Variants in ARHGAP24 observed in about 807,000 individuals in gnomAD.
ARHGAP24 encodes the protein rho GTPase-activating protein 24.
A neutral mutation model predicts 76.4 loss-of-function variants in ARHGAP24; 50 were observed. The observed-to-expected ratio is 0.65, with a 90% CI of 0.52 to 0.83. The LOEUF (loss-of-function observed/expected upper bound fraction) is 0.83. ARHGAP24 is among the 40% of genes least tolerant of loss of function. The probability of loss-of-function intolerance (pLI) is 0.00; values close to 1 mark genes in which losing one functional copy is unlikely to be tolerated. For missense variants in ARHGAP24, 930 were observed against 914.2 expected (o/e 1.02, Z -0.22); for synonymous variants, 345 against 323.3 (o/e 1.07, Z -0.72).
chr4:85,721,975 A>G lies in ARHGAP24; in HGVS notation c.268+3A>G. 1 of 1,611,526 alleles carries G rather than the reference A, an allele frequency of 6.2e-7. No homozygotes were observed. The highest frequency in any genetic ancestry group is 1.1e-5 in the South Asian group (1 of 91,038). ...GTTCCTTTTTGAAGTAGTTCCAGGTAAGATATTTTCCTAGTCTGATTAAAT... is the reference window on the plus strand; with the variant it reads ...GTTCCTTTTTGAAGTAGTTCCAGGTGAGATATTTTCCTAGTCTGATTAAAT... On this transcript the variant is annotated splice_donor_region_variant and intron_variant, in intron 3 of 9. Coordinates refer to ENST00000395184, the MANE Select transcript of ARHGAP24 (RefSeq NM_001025616.3).
At chr4:85,540,298 A>G (rs1410339114) in intron 1 of ARHGAP24, among the ~76,000 whole-genome samples, 2 of 152,154 alleles carry the variant, frequency 1.3e-5, no homozygotes, top group Admixed American at 6.5e-5. Context: ...TTTCAAATCA[A>G]TATTCAATAA....
At chr4:85,778,976 TA>T (rs1269393548) in intron 3 of ARHGAP24, 31 of 985,352 alleles carry the variant, frequency 3.1e-5, no homozygotes, top group Non-Finnish European at 3.4e-5. Context: ...GTACTGTTTT[TA>T]CTCATTTAAA....
At chr4:85,838,824 C>T (rs1730435231) in intron 3 of ARHGAP24, among the ~76,000 whole-genome samples, 1 of 152,108 alleles carries the variant, frequency 6.6e-6, no homozygotes, top group African/African-American at 2.4e-5. Context: ...CTAACTTTGC[C>T]AAACACCTGC....
chr4:85,862,754 A>C (rs1381869220), intron 3 of ARHGAP24, among the ~76,000 whole-genome samples: 3 of 152,090 alleles, frequency 2.0e-5, no homozygotes, highest in Non-Finnish European at 4.4e-5. Flanking sequence ...AGTAAATGGC[A>C]ACACCATCCA....
At chr4:85,697,666 G>A (rs185731215) in intron 2 of ARHGAP24, among the ~76,000 whole-genome samples, 200 of 152,198 alleles carry the variant, frequency 1.3e-3, no homozygotes, top group Non-Finnish European at 2.4e-3. Flanking sequence ...GAAGTCAATT[G>A]GGCTGTTTCT....
At position 85,525,075 on chromosome 4, in the gene ARHGAP24, A is replaced by C. The variant is rs530509682; in HGVS notation, c.-20-45447A>C. On this transcript the variant is annotated intron_variant, in intron 1 of 9. Coordinates refer to ENST00000395184, the MANE Select transcript of ARHGAP24 (RefSeq NM_001025616.3). The stretch of plus-strand genomic sequence containing the variant: ...CTCTTAACCTTTTAGCTAGAGTCCA[A>C]CATAGTTTAGTTGGGTTTCATCTGC... Among the ~76,000 whole-genome samples, 80 of 152,216 alleles carry C rather than the reference A, an allele frequency of 5.3e-4. 1 individual carries two copies. The highest frequency in any genetic ancestry group is 1.8e-3 in the African/African-American group (76 of 41,542).
At chr4:85,709,310 A>T (rs1426316227) in intron 2 of ARHGAP24, among the ~76,000 whole-genome samples, 2 of 152,126 alleles carry the variant, frequency 1.3e-5, no homozygotes, top group Non-Finnish European at 2.9e-5. Context: ...TTCACTTAAG[A>T]TTTAATAATT....
At chr4:85,884,771 A>T (rs1031489689) in intron 3 of ARHGAP24, among the ~76,000 whole-genome samples, 2 of 152,190 alleles carry the variant, frequency 1.3e-5, no homozygotes, top group African/African-American at 4.8e-5. Context: ...GGCAGCTTTG[A>T]TAAAGAAATC....
At chr4:85,658,828 C>T (rs932368923) in intron 2 of ARHGAP24, among the ~76,000 whole-genome samples, 3 of 152,126 alleles carry the variant, frequency 2.0e-5, no homozygotes, top group Non-Finnish European at 4.4e-5. Flanking sequence ...AGCAAGGAGA[C>T]AGGATAGGGG....
chr4:85,639,125 A>C (rs1721429065), intron 2 of ARHGAP24, among the ~76,000 whole-genome samples: 1 of 152,140 alleles, frequency 6.6e-6, no homozygotes, highest in Non-Finnish European at 1.5e-5. Flanking sequence ...AATTGTCCTA[A>C]GATTGCCCAA....
intron 2 of ARHGAP24, among the ~76,000 whole-genome samples, chr4:85,626,540 G>A (rs1320305378): frequency 6.6e-6 from 1 of 152,112 alleles, no homozygotes; most frequent in Non-Finnish European, 1.5e-5. Context: ...TGGTGAATCT[G>A]ACAATTATGT....
chr4:85,767,430 A>C (rs750042046), intron 3 of ARHGAP24, among the ~76,000 whole-genome samples: 34 of 152,238 alleles, frequency 2.2e-4, no homozygotes, highest in Non-Finnish European at 3.8e-4. Context: ...ACACATTCAC[A>C]TGTGAATGCT....
At chr4:85,865,757 GACTT>G (rs796391569) in intron 3 of ARHGAP24, among the ~76,000 whole-genome samples, 4 of 151,666 alleles carry the variant, frequency 2.6e-5, no homozygotes, top group East Asian at 3.9e-4. Flanking sequence ...TATTCATAAA[GACTT>G]ACAGTTGGAT....
intron 5 of ARHGAP24, among the ~76,000 whole-genome samples, chr4:85,947,164 T>C (rs1252026780): frequency 6.6e-6 from 1 of 152,128 alleles, no homozygotes; most frequent in African/African-American, 2.4e-5. Flanking sequence ...CCTTTGCCCC[T>C]TTTTTAATTG....
At chr4:85,546,256 A>G (rs1725917240) in intron 1 of ARHGAP24, among the ~76,000 whole-genome samples, 1 of 152,144 alleles carries the variant, frequency 6.6e-6, no homozygotes, top group Admixed American at 6.5e-5. Context: ...CATATTTCTA[A>G]CTGAAAGCAA....
At chr4:85,935,858 C>T (rs1440210435) in intron 4 of ARHGAP24, among the ~76,000 whole-genome samples, 1 of 152,170 alleles carries the variant, frequency 6.6e-6, no homozygotes, top group Non-Finnish European at 1.5e-5. Flanking sequence ...TTATTATTCT[C>T]CTTCCTTCCC....
intron 2 of ARHGAP24, 44 bp from the exon 3 acceptor site, chr4:85,721,841 T>C: frequency 5.3e-6 from 8 of 1,505,672 alleles, no homozygotes; most frequent in Non-Finnish European, 6.5e-6. Flanking sequence ...TATATGATGT[T>C]TGCTCTCTGA....
chr4:85,895,384 T>A (rs747201190), intron 3 of ARHGAP24, among the ~76,000 whole-genome samples: 3 of 152,148 alleles, frequency 2.0e-5, no homozygotes, highest in Non-Finnish European at 2.9e-5. Context: ...TGGCCAGTTG[T>A]TCACATTAAA....
intron 2 of ARHGAP24, among the ~76,000 whole-genome samples, chr4:85,674,984 A>G (rs949197813): frequency 1.3e-5 from 2 of 152,224 alleles, no homozygotes; most frequent in African/African-American, 2.4e-5. Flanking sequence ...ACAATTTGTA[A>G]TCAGAGGGTT....
Sources: gnomAD v4.1 joint callset for allele counts (sites outside exome capture counted in the v4.1 genomes callset) on GRCh38, gnomAD v4.1.1 for gene constraint, MANE v1.5 for transcripts, NCBI Gene and HGNC (gene_info 2026-07-23, HGNC 2026-07-21) for gene names.